Variants in ATP2B4 observed in about 807,000 individuals in gnomAD.
ATP2B4 encodes the protein ATPase plasma membrane Ca2+ transporting 4.
A neutral mutation model predicts 110.3 loss-of-function variants in ATP2B4; 39 were observed. The ratio of observed to expected loss-of-function variants is 0.35; its 90% CI spans 0.27 to 0.46. The LOEUF (loss-of-function observed/expected upper bound fraction) is 0.46, where lower values mean the gene tolerates loss of function less well. Among genes scored for constraint, ATP2B4 ranks in the 20% least tolerant of loss-of-function variants. The pLI is 1.00. For synonymous variants in ATP2B4, 538 were observed against 571.7 expected (o/e 0.94, Z 0.84); for missense variants, 1,135 against 1,530.9 (o/e 0.74, Z 4.32).
intron 2 of ATP2B4, among the ~76,000 whole-genome samples, chr1:203,690,953 T>C (rs1221013345): frequency 1.3e-5 from 2 of 152,172 alleles, no homozygotes; most frequent in Non-Finnish European, 2.9e-5. Context: ...GGTTTGAGTT[T>C]CATGCCTAGG....
At chr1:203,730,339 C>T (rs1304682441) in intron 20 of ATP2B4, among the ~76,000 whole-genome samples, 2 of 152,022 alleles carry the variant, frequency 1.3e-5, no homozygotes, top group South Asian at 4.2e-4. Flanking sequence ...AAATTTCCAG[C>T]GGGACCTACA....
chr1:203,657,095 C>G, intron 1 of ATP2B4: 1 of 840,062 alleles, frequency 1.2e-6, no homozygotes, highest in African/African-American at 1.7e-5. Flanking sequence ...ACCTCAATGA[C>G]AATATCTTTG....
chr1:203,666,637 C>T (rs994239946), intron 1 of ATP2B4, among the ~76,000 whole-genome samples: 26 of 152,134 alleles, frequency 1.7e-4, no homozygotes, highest in African/African-American at 6.3e-4. Flanking sequence ...TGAATAGGGC[C>T]TTATAATCCT....
chr1:203,630,207 T>C (rs1449657004), intron 1 of ATP2B4, among the ~76,000 whole-genome samples: 1 of 151,984 alleles, frequency 6.6e-6, no homozygotes. Context: ...GCTTTACTCT[T>C]CCCCACTCCC....
At chr1:203,732,181 G>C (rs1220497739) in intron 20 of ATP2B4, among the ~76,000 whole-genome samples, 1 of 150,314 alleles carries the variant, frequency 6.7e-6, no homozygotes, top group Non-Finnish European at 1.5e-5. Context: ...AAAAAAGGAA[G>C]GAAGGAAGAA....
At chr1:203,686,685 C>CTTTCTT (rs1665193795) in intron 2 of ATP2B4, among the ~76,000 whole-genome samples, 1 of 42,776 alleles carries the variant, frequency 2.3e-5, no homozygotes, top group Non-Finnish European at 3.8e-5. Flanking sequence ...TCTTTTCTTT[C>CTTTCTT]TTTTTTTTTT....
chr1:203,679,622 C>T (rs1271951712), intron 1 of ATP2B4, among the ~76,000 whole-genome samples: 4 of 152,116 alleles, frequency 2.6e-5, no homozygotes, highest in Non-Finnish European at 5.9e-5. Context: ...CAGTAGTTCA[C>T]GCCTCTAATC....
intron 1 of ATP2B4, among the ~76,000 whole-genome samples, chr1:203,637,359 G>A (rs559823287): frequency 9.3e-4 from 141 of 151,460 alleles, no homozygotes; most frequent in African/African-American, 3.4e-3. Context: ...TGAACCCCCG[G>A]GGGGGGGCGG....
intron 19 of ATP2B4, among the ~76,000 whole-genome samples, chr1:203,725,139 G>A (rs543554569): frequency 1.3e-5 from 2 of 150,322 alleles, no homozygotes; most frequent in South Asian, 2.1e-4. Context: ...GCCTCCCAAA[G>A]TGCTGGGATT....
In ATP2B4 at chr1:203,724,865, C is replaced by CTCTTTTTTTTT. The variant is rs1214526316; in HGVS notation, c.3132+878_3132+879insCTTTTTTTTTT. Among the ~76,000 whole-genome samples the CTCTTTTTTTTT allele has an allele frequency of 7.9e-5, 8 of 101,454 alleles. 2 individuals carry two copies. Among genetic ancestry groups the CTCTTTTTTTTT allele is most frequent in the Admixed American group, 2.5e-4 (2 of 8,088 alleles). 66.6% of individuals were successfully genotyped at this position (101,454 alleles called of 152,430 possible). On this transcript the variant is annotated intron_variant, in intron 19 of 20. Transcript: ENST00000357681. Reference sequence around the variant, plus strand: ...ACTGCCTGGGTTTGAATCCAGCTCTCTGTTTTTTTTTTTTTTTTTTTTTTT... The same window carrying CTCTTTTTTTTT: ...ACTGCCTGGGTTTGAATCCAGCTCTCTCTTTTTTTTTTGTTTTTTTTTTTTTTTTTTTTTTT...
intron 1 of ATP2B4, among the ~76,000 whole-genome samples, chr1:203,664,486 C>T (rs1664443241): frequency 6.6e-6 from 1 of 152,216 alleles, no homozygotes; most frequent in Non-Finnish European, 1.5e-5. Flanking sequence ...ATCCTTTCAA[C>T]TTTGGTATGG....
In ATP2B4 at chr1:203,716,830, T is replaced by C. The variant is rs1040108798; in HGVS notation, c.2406+2553T>C. On this transcript the variant is annotated intron_variant, in intron 15 of 20. Transcript: ENST00000357681. ...GTTGGTTCTAGAAGTTATCAGATTC[T>C]AGACCCTTTCTTTCATTGAGGGCTG... is the stretch of plus-strand genomic sequence containing the variant. Among the ~76,000 whole-genome samples the C allele has an allele frequency of 2.7e-5, 4 of 145,568 alleles. 1 individual carries two copies. The highest frequency in any genetic ancestry group is 6.1e-5 in the Non-Finnish European group (4 of 65,298).
chr1:203,640,212 C>T (rs1352227451), intron 1 of ATP2B4, among the ~76,000 whole-genome samples: 1 of 152,130 alleles, frequency 6.6e-6, no homozygotes, highest in Non-Finnish European at 1.5e-5. Flanking sequence ...TCTTGACTGC[C>T]CAACCCCTTG....
At chr1:203,709,694 A>G (rs1665950978) in intron 11 of ATP2B4, 152 bp downstream of exon 11, 2 of 1,286,944 alleles carry the variant, frequency 1.6e-6, no homozygotes, top group East Asian at 2.5e-5. Flanking sequence ...CAGGCCACGC[A>G]TGTTTTTTAA....
At chr1:203,714,076 G>A in intron 14 of ATP2B4, 95 bp from the exon 15 acceptor site, 1 of 1,212,420 alleles carries the variant, frequency 8.2e-7, no homozygotes, top group Admixed American at 1.8e-5. Context: ...AGGGAAAAGG[G>A]AAGGAAAGAA....
chr1:203,672,718 T>G (rs1664711331), intron 1 of ATP2B4, among the ~76,000 whole-genome samples: 1 of 152,136 alleles, frequency 6.6e-6, no homozygotes, highest in African/African-American at 2.4e-5. Context: ...GAATGTCTTT[T>G]GTTTTTGTTT....
rs1302482882 is a variant in ATP2B4 at position 203,728,293 on chromosome 1, CTT to C, written c.3309+725_3309+726del. 1.5e-5 allele frequency: 6 copies of C among 403,376 alleles called. No individual in the cohort carries two copies. In the Admixed American group the frequency reaches 2.1e-4, roughly 14 times the overall value. 25.0% of individuals were successfully genotyped at this position (403,376 alleles called of 1,614,324 possible). A position where few individuals can be genotyped will look rare whatever the true frequency, so the allele number is the denominator to read the frequency against. ...TCCCCTGTCTATAGCCCCACAATAA[CTT>C]TTATTTTTTCCACTTTCCATGCATC... On this transcript the variant is annotated intron_variant, in intron 20 of 20. Coordinates refer to ENST00000357681, the MANE Select transcript of ATP2B4 (RefSeq NM_001684.5).
chr1:203,652,248 G>A (rs1029870391), intron 1 of ATP2B4, among the ~76,000 whole-genome samples: 1 of 150,286 alleles, frequency 6.7e-6, no homozygotes, highest in Non-Finnish European at 1.5e-5. Context: ...AGGTGCAAGC[G>A]ATTCTCCTGC....
At chr1:203,734,570 A>G (rs574630973) in intron 20 of ATP2B4, among the ~76,000 whole-genome samples, 4 of 151,052 alleles carry the variant, frequency 2.6e-5, no homozygotes, top group Non-Finnish European at 4.4e-5. Flanking sequence ...GCCGGGCAAT[A>G]TGGTGCGTGC....
Sources: gnomAD v4.1 joint callset for allele counts (sites outside exome capture counted in the v4.1 genomes callset) on GRCh38, gnomAD v4.1.1 for gene constraint, MANE v1.5 for transcripts, NCBI Gene and HGNC (gene_info 2026-07-23, HGNC 2026-07-21) for gene names.